The following RUFY4 variants were observed in gnomAD, a reference collection of about 807,000 sequenced individuals.
RUFY4 encodes the protein RUN and FYVE domain-containing protein 4.
Under a neutral mutation model 69.0 loss-of-function variants are expected in RUFY4, and 73 were observed. That is an observed-to-expected ratio of 1.06 (90% CI 0.88 to 1.29). The LOEUF is 1.29. Ranked by LOEUF, RUFY4 falls within the 50% of genes most tolerant of loss-of-function variation. The pLI is 0.00. For missense variants in RUFY4, 770 were observed against 705.6 expected (o/e 1.09, Z -1.03); for synonymous variants, 287 against 271.8 (o/e 1.06, Z -0.55).
chr2:218,049,082 T>C (rs1370465525), intron 2 of RUFY4, among the ~76,000 whole-genome samples: 1 of 152,254 alleles, frequency 6.6e-6, no homozygotes, highest in Non-Finnish European at 1.5e-5. Flanking sequence ...TTCATGGCTG[T>C]ACTGGCTGGG....
chr2:218,066,140 T>C (rs1226111346), upstream of RUFY4, among the ~76,000 whole-genome samples: 2 of 150,310 alleles, frequency 1.3e-5, no homozygotes, highest in Non-Finnish European at 3.0e-5. Context: ...ATGATGATGA[T>C]GATGATAACA....
intron 6 of RUFY4, 78 bp downstream of exon 8, chr2:218,073,963 T>A (rs778750456): frequency 2.1e-6 from 3 of 1,408,594 alleles, no homozygotes; most frequent in South Asian, 1.2e-5. Flanking sequence ...GAAACTGAGC[T>A]TCCCCCTCCG....
At chr2:218,051,677 TAAAGGGAGTTTTG>T in intron 2 of RUFY4, among the ~76,000 whole-genome samples, 2 of 146,294 alleles carry the variant, frequency 1.4e-5, no homozygotes, top group African/African-American at 5.6e-5. Context: ...GATGGTTTTG[TAAAGGGAGTTTTG>T]TGTGTGATTA....
chr2:218,063,447 G>T (rs755345974), intron 3 of RUFY4, among the ~76,000 whole-genome samples: 20 of 152,212 alleles, frequency 1.3e-4, no homozygotes, highest in South Asian at 6.2e-4. Flanking sequence ...TGGGGCAGCT[G>T]CTTTGAAAAA....
intron 3 of RUFY4, chr2:218,061,212 G>C (rs533596333): frequency 2.9e-5 from 11 of 384,572 alleles, no homozygotes; most frequent in Middle Eastern, 2.0e-3. Flanking sequence ...GACCAGCATC[G>C]GCAGGGAGTT....
At chr2:218,046,271 T>C (rs1688826733) in intron 2 of RUFY4, among the ~76,000 whole-genome samples, 1 of 152,052 alleles carries the variant, frequency 6.6e-6, no homozygotes, top group South Asian at 2.1e-4. Context: ...TGGACAGTGC[T>C]AGAGACACTA....
At chr2:218,079,622 TG>T (rs774135724) in intron 8 of RUFY4, among the ~76,000 whole-genome samples, 11 of 152,012 alleles carry the variant, frequency 7.2e-5, no homozygotes, top group Non-Finnish European at 1.3e-4. Flanking sequence ...AGAGTAAGGA[TG>T]GTGAGTAACA....
Position 218,060,884 on chromosome 2 carries a change from G to A in RUFY4, c.-1071+2203G>A, listed in dbSNP as rs778762229. The stretch of plus-strand genomic sequence containing the variant: ...AGAAGGTCCTTCGGAAAAGCAAGAT[G>A]CGTAGGGACAGTAACAGGAACAGGT... On this transcript the variant is annotated intron_variant and NMD_transcript_variant, in intron 3 of 13. Coordinates refer to the RUFY4 transcript ENST00000457754. 26 of 1,208,634 alleles carry A rather than the reference G, an allele frequency of 2.2e-5. No homozygotes were observed. The East Asian group carries it at 5.6e-4, about 26-fold the overall frequency. The allele number at this position is 1,208,634 out of a possible 1,614,324, so 74.9% of individuals were successfully genotyped here. A position where few individuals can be genotyped will look rare whatever the true frequency, so the allele number is the denominator to read the frequency against.
At chr2:218,060,272 T>C (rs892077733) in intron 3 of RUFY4, 20 of 1,394,900 alleles carry the variant, frequency 1.4e-5, no homozygotes, top group African/African-American at 2.9e-5. Context: ...CTAGTGGACA[T>C]GAGGCTTGGA....
exon 10 of RUFY4, chr2:218,089,358 T>C (rs760184498): frequency 1.5e-5 from 25 of 1,613,596 alleles, no homozygotes; most frequent in Non-Finnish European, 2.0e-5. Flanking sequence ...GCGGTATCCA[T>C]GCAGGTAAAG....
In RUFY4 at chr2:218,071,538, G is replaced by A. The variant is rs183697257; in HGVS notation, c.153+679G>A. ...TGGGCACCCTAGATTTTCAACACACGTGCCACACACACCACACACCACAGC... is the reference window on the plus strand; with the variant it reads ...TGGGCACCCTAGATTTTCAACACACATGCCACACACACCACACACCACAGC... On this transcript the variant is annotated intron_variant, in intron 2 of 10. Coordinates refer to ENST00000344321, the Ensembl canonical transcript of RUFY4. 3.9e-3 allele frequency among the ~76,000 whole-genome samples: 590 copies of A among 151,832 alleles called. 3 individuals are homozygous for A. Among genetic ancestry groups the A allele is most frequent in the African/African-American group, 0.012 (513 of 41,408 alleles).
At chr2:218,066,172 CTTTTCTTTTTTTTTT>C (rs1483367935), upstream of RUFY4, among the ~76,000 whole-genome samples, 1 of 109,598 alleles carries the variant, frequency 9.1e-6, no homozygotes, top group Admixed American at 1.0e-4. Flanking sequence ...GTCATCTTTT[CTTTTCTTTTTTTTTT>C]TTTTTTTTTT....
chr2:218,052,098 C>T lies in RUFY4; in HGVS notation c.-1157-6497C>T, dbSNP rs151187061. On this transcript the variant is annotated intron_variant and NMD_transcript_variant, in intron 2 of 13. Coordinates refer to the RUFY4 transcript ENST00000457754. ...CACTACATGTGACTTACAGGTCATA[C>T]GTCACTGCCTCCTGCTCTTCTTCCT... Among the ~76,000 whole-genome samples the T allele has an allele frequency of 1.4e-4, 22 of 152,290 alleles. No homozygotes were observed. In the East Asian group the frequency reaches 3.5e-3, roughly 24 times the overall value.
intron 2 of RUFY4, among the ~76,000 whole-genome samples, chr2:218,057,093 AAG>A (rs1559425137): frequency 2.0e-5 from 3 of 150,326 alleles, no homozygotes; most frequent in African/African-American, 4.9e-5. Flanking sequence ...AAAAAAAAAA[AAG>A]AGAGAGAGAA....
At chr2:218,083,045 AG>A in intron 8 of RUFY4, 64 bp from the exon 11 acceptor site, 4 of 1,459,476 alleles carry the variant, frequency 2.7e-6, no homozygotes, top group Non-Finnish European at 3.6e-6. Context: ...GAAGAGGCTC[AG>A]CCTAGCTCAG....
chr2:218,072,442 C>G (rs1488611361), exon 3 of RUFY4: 2 of 1,537,412 alleles, frequency 1.3e-6, no homozygotes, highest in South Asian at 1.2e-5. Flanking sequence ...TCTGCACTGC[C>G]CTACGACGGC....
intron 2 of RUFY4, among the ~76,000 whole-genome samples, chr2:218,045,329 A>G (rs1462505308): frequency 6.6e-6 from 1 of 152,200 alleles, no homozygotes; most frequent in Non-Finnish European, 1.5e-5. Flanking sequence ...AGCAGAGTAT[A>G]TTTTTATTGA....
chr2:218,085,089 T>G (rs1328604518), intron 9 of RUFY4, among the ~76,000 whole-genome samples: 2 of 152,082 alleles, frequency 1.3e-5, no homozygotes, highest in Admixed American at 1.3e-4. Flanking sequence ...GAACATATAA[T>G]AGAAAACAAA....
chr2:218,045,940 G>T (rs1309928619), intron 2 of RUFY4, among the ~76,000 whole-genome samples: 1 of 152,100 alleles, frequency 6.6e-6, no homozygotes, highest in Non-Finnish European at 1.5e-5. Flanking sequence ...GAGTAGCTGG[G>T]ACTACAGGCT....
Sources: gnomAD v4.1 joint callset for allele counts (sites outside exome capture counted in the v4.1 genomes callset) on GRCh38, gnomAD v4.1.1 for gene constraint, MANE v1.5 for transcripts, NCBI Gene and HGNC (gene_info 2026-07-23, HGNC 2026-07-21) for gene names.